Variants in ERC2 observed in about 807,000 individuals in gnomAD.
ERC2 encodes ELKS/RAB6-interacting/CAST family member 2.
In ERC2, 42 loss-of-function variants were observed where a neutral mutation model predicts 114.8. The observed-to-expected ratio is 0.37, with a 90% confidence interval of 0.29 to 0.47. The LOEUF (loss-of-function observed/expected upper bound fraction) is 0.47, where lower values mean the gene tolerates loss of function less well. Ranked by LOEUF, ERC2 falls within the 20% of genes least tolerant of loss-of-function variation. ERC2 has a pLI of 0.99. For synonymous variants in ERC2, 454 were observed against 425.5 expected, an observed-to-expected ratio of 1.07 and a Z score of -0.82; for missense variants, 939 against 1,150.7, an observed-to-expected ratio of 0.82 and a Z score of 2.66.
chr3:55,614,347 T>C (rs1349998381), intron 17 of ERC2, among the ~76,000 whole-genome samples: 2 of 152,164 alleles, frequency 1.3e-5, no homozygotes, highest in Admixed American at 6.5e-5. Flanking sequence ...GGGGAGGATC[T>C]GGGTATTCTT....
At chr3:55,796,860 C>T (rs1004012487) in intron 14 of ERC2, among the ~76,000 whole-genome samples, 1 of 152,162 alleles carries the variant, frequency 6.6e-6, no homozygotes, top group African/African-American at 2.4e-5. Flanking sequence ...AAAAGCTTGT[C>T]AACTCCGAAA....
intron 5 of ERC2, among the ~76,000 whole-genome samples, chr3:56,147,416 G>C (rs889339152): frequency 6.6e-6 from 1 of 152,178 alleles, no homozygotes; most frequent in Admixed American, 6.5e-5. Flanking sequence ...GAGATGGAAA[G>C]TTGACAGAAG....
chr3:56,171,930 T>G (rs1233165656), intron 4 of ERC2, among the ~76,000 whole-genome samples: 1 of 132,596 alleles, frequency 7.5e-6, no homozygotes, highest in Admixed American at 8.3e-5. Context: ...ACTGGGAAGG[T>G]GGGTGTGGAG....
At chr3:56,220,257 CG>C (rs1184719233) in intron 3 of ERC2, among the ~76,000 whole-genome samples, 6 of 152,118 alleles carry the variant, frequency 3.9e-5, no homozygotes, top group Non-Finnish European at 8.8e-5. Context: ...GGTTCTGTTA[CG>C]TCATGCCATT....
chr3:56,290,869 C>T (rs1005646395), intron 3 of ERC2, among the ~76,000 whole-genome samples: 43 of 152,158 alleles, frequency 2.8e-4, no homozygotes, highest in African/African-American at 9.9e-4. Context: ...CCCAGGTCTC[C>T]TGGGGGTTTT....
chr3:55,810,171 T>C (rs969898014), intron 14 of ERC2, among the ~76,000 whole-genome samples: 3 of 152,214 alleles, frequency 2.0e-5, no homozygotes, highest in African/African-American at 7.2e-5. Context: ...TGCTCCTTTT[T>C]TTTCTTTTTT....
At chr3:56,389,262 G>T (rs2060045147) in intron 2 of ERC2, among the ~76,000 whole-genome samples, 1 of 152,132 alleles carries the variant, frequency 6.6e-6, no homozygotes, top group African/African-American at 2.4e-5. Context: ...AATCGTGCTA[G>T]TCAACCAGAC....
chr3:55,534,570 C>G (rs1332485469), intron 17 of ERC2, among the ~76,000 whole-genome samples: 1 of 151,498 alleles, frequency 6.6e-6, no homozygotes, highest in African/African-American at 2.4e-5. Context: ...GTAGCACACG[C>G]CTGTAGTCCC....
chr3:55,652,379 G>T (rs977738220), intron 17 of ERC2, among the ~76,000 whole-genome samples: 55 of 152,098 alleles, frequency 3.6e-4, no homozygotes, highest in African/African-American at 1.3e-3. Flanking sequence ...TACTTGGCTG[G>T]GAGAAGAGAG....
chr3:55,597,543 T>C (rs914244630), intron 17 of ERC2, among the ~76,000 whole-genome samples: 5 of 151,932 alleles, frequency 3.3e-5, no homozygotes, highest in South Asian at 4.2e-4. Context: ...CTCAGAAAAA[T>C]CTTCTCGGGT....
intron 14 of ERC2, among the ~76,000 whole-genome samples, chr3:55,761,230 G>T (rs1216303495): frequency 6.6e-6 from 1 of 152,090 alleles, no homozygotes; most frequent in East Asian, 1.9e-4. Flanking sequence ...TCTATAAAAG[G>T]CCAGAGAGTA....
chr3:55,792,546 T>C (rs2070127758), intron 14 of ERC2, among the ~76,000 whole-genome samples: 1 of 152,226 alleles, frequency 6.6e-6, no homozygotes, highest in Non-Finnish European at 1.5e-5. Context: ...CAATAAACAT[T>C]TGTTTAAAGA....
intron 14 of ERC2, among the ~76,000 whole-genome samples, chr3:55,879,891 A>G (rs2063040158): frequency 6.6e-6 from 1 of 152,162 alleles, no homozygotes; most frequent in Non-Finnish European, 1.5e-5. Flanking sequence ...CTTCCCCCAC[A>G]CTTGTTCTCA....
At chr3:55,622,582 G>T (rs761519201) in intron 17 of ERC2, among the ~76,000 whole-genome samples, 8 of 152,110 alleles carry the variant, frequency 5.3e-5, no homozygotes, top group African/African-American at 1.9e-4. Context: ...CAGCTTAAAT[G>T]TGCTACAGAG....
At chr3:56,159,855 G>C (rs138295455) in intron 4 of ERC2, among the ~76,000 whole-genome samples, 2 of 152,144 alleles carry the variant, frequency 1.3e-5, no homozygotes, top group Non-Finnish European at 2.9e-5. Context: ...TTTTATGGCT[G>C]TATATAGTAT....
At chr3:55,689,784 C>T (rs74978971) in intron 16 of ERC2, among the ~76,000 whole-genome samples, 5,691 of 144,206 alleles carry the variant, frequency 0.039, 170 homozygotes, top group Middle Eastern at 0.067. Flanking sequence ...GCAACAAGAG[C>T]GAGACTCCGT....
chr3:55,577,314 T>C (rs992704733), intron 17 of ERC2, among the ~76,000 whole-genome samples: 1 of 151,872 alleles, frequency 6.6e-6, no homozygotes, highest in Non-Finnish European at 1.5e-5. Context: ...AGAAAATTTA[T>C]GCCAGTTGAA....
intron 14 of ERC2, among the ~76,000 whole-genome samples, chr3:55,768,798 C>T (rs976466389): frequency 3.3e-5 from 5 of 152,110 alleles, no homozygotes; most frequent in Admixed American, 6.6e-5. Context: ...CAGCGGGCAG[C>T]AGCAGGTTAC....
intron 14 of ERC2, among the ~76,000 whole-genome samples, chr3:55,885,925 G>T (rs1046618723): frequency 6.6e-6 from 1 of 152,036 alleles, no homozygotes; most frequent in African/African-American, 2.4e-5. Flanking sequence ...TTCCACCCTG[G>T]GTCTGATGAC....
Sources: allele counts gnomAD v4.1 joint callset (sites outside exome capture counted in the v4.1 genomes callset), GRCh38; gene constraint gnomAD v4.1.1; transcripts MANE v1.5; gene names NCBI Gene and HGNC (gene_info 2026-07-23, HGNC 2026-07-21).